The following RB1 variants were observed in gnomAD, a reference collection of about 807,000 sequenced individuals.
RB1 encodes the protein RB transcriptional corepressor 1.
In RB1, 18 loss-of-function variants were observed where a neutral mutation model predicts 135.4. The ratio of observed to expected loss-of-function variants is 0.13; its 90% CI spans 0.09 to 0.20. The LOEUF (loss-of-function observed/expected upper bound fraction) is 0.20. Ranked by LOEUF, RB1 falls within the 10% of genes least tolerant of loss-of-function variation. RB1 has a pLI of 1.00. For synonymous variants in RB1, 365 were observed against 373.2 expected (o/e 0.98, Z 0.25); for missense variants, 868 against 1,110.0 (o/e 0.78, Z 3.10).
In RB1 at chr13:48,363,045, G is replaced by A. The variant is rs1053196853; in HGVS notation, c.861+88G>A. ...ACAATATTTACTTCTTTTGTTATGA[G>A]CATGTTTTTTTTGTAATTAGTGCTA... On this transcript the variant is annotated intron_variant, in intron 8 of 26. Transcript: ENST00000267163. 4.0e-6 allele frequency: 6 copies of A among 1,510,764 alleles called. No individual in the cohort carries two copies. In the Admixed American group the frequency reaches 7.6e-5, roughly 19 times the overall value. The allele number at this position is 1,510,764 out of a possible 1,614,324, so 93.6% of individuals were successfully genotyped here.
intron 2 of RB1, among the ~76,000 whole-genome samples, chr13:48,326,653 A>G (rs961314733): frequency 3.9e-5 from 6 of 152,146 alleles, no homozygotes; most frequent in African/African-American, 1.2e-4. Context: ...CTAAACTTAA[A>G]TACTAGTTAA....
chr13:48,412,353 A>G (rs775892090), intron 17 of RB1: 1 of 1,613,846 alleles, frequency 6.2e-7, no homozygotes, highest in Non-Finnish European at 8.5e-7. Flanking sequence ...CACCATGCTG[A>G]ACATGCACCC....
chr13:48,456,300 G>C lies in RB1; in HGVS notation c.1911G>C (p.Gln637His), dbSNP rs1949359735. The C allele has an allele frequency of 6.2e-7, 1 of 1,614,072 alleles. No homozygotes were observed. The highest frequency in any genetic ancestry group is 1.3e-5 in the African/African-American group (1 of 74,916). ...AGACACAAGCAACCTCAGCCTTCCA[G>C]ACCCAGAAGCCATTGAAATCTACCT... ...NAETQATSAF[Q>H]TQKPLKSTSL... is the part of the protein sequence containing the mutation. The change falls in exon 19 of 27, where the codon CAG becomes CAC. Residue 637 changes from glutamine to histidine, a missense_variant. Coordinates refer to ENST00000267163, the MANE Select transcript of RB1 (RefSeq NM_000321.3).
chr13:48,406,656 C>G (rs190671162), intron 17 of RB1: 1 of 152,366 alleles, frequency 6.6e-6, no homozygotes, highest in Admixed American at 6.5e-5. Context: ...TCTCCAGCCA[C>G]TTTGAATGTT....
chr13:48,309,093 C>T (rs546914174), intron 2 of RB1, among the ~76,000 whole-genome samples: 45 of 151,944 alleles, frequency 3.0e-4, no homozygotes, highest in African/African-American at 1.0e-3. Context: ...AAGAATAATG[C>T]CTGGCACAAA....
chr13:48,459,236 AGTG>A (rs2138335178), intron 19 of RB1, among the ~76,000 whole-genome samples: 1 of 152,370 alleles, frequency 6.6e-6, no homozygotes, highest in East Asian at 1.9e-4. Context: ...TAAGGAAAAT[AGTG>A]GTAGAAAAAT....
chr13:48,428,816 G>A (rs1017372269), intron 17 of RB1, among the ~76,000 whole-genome samples: 1 of 152,150 alleles, frequency 6.6e-6, no homozygotes, highest in Admixed American at 6.5e-5. Context: ...CAAATAATTA[G>A]AACAAGGGTT....
At chr13:48,359,295 A>T (rs1952617988) in intron 6 of RB1, among the ~76,000 whole-genome samples, 1 of 151,646 alleles carries the variant, frequency 6.6e-6, no homozygotes, top group Non-Finnish European at 1.5e-5. Flanking sequence ...ATGGTGAACA[A>T]TTATTTTATA....
chr13:48,391,444 G>C (rs138069608), intron 17 of RB1: 265 of 151,694 alleles, frequency 1.7e-3, no homozygotes, highest in African/African-American at 5.8e-3. Context: ...GATTCCTTTT[G>C]TTTTCCTTCT....
rs1948513969 is a variant in RB1 at position 48,379,609 on chromosome 13, G to T, written c.1348G>T (p.Val450Phe). 1 of 1,612,518 alleles carries T rather than the reference G, an allele frequency of 6.2e-7. No homozygotes were observed. The highest frequency in any genetic ancestry group is 8.5e-7 in the Non-Finnish European group (1 of 1,179,712). The change falls in exon 14 of 27, where the codon GTT (valine) becomes TTT (phenylalanine). Residue 450 changes from valine to phenylalanine, a missense_variant. Val to Phe is a conservative substitution (Grantham distance 50). Around this residue, in one of 3 missense-constraint regions of RB1, gnomAD observed 641 missense variants for 791.3 expected, o/e 0.81. Transcript: ENST00000267163. Reference protein sequence around the residue: ...EIGSQRYKLGVRLYYRVMESM... With the variant: ...EIGSQRYKLGFRLYYRVMESM... Reference sequence around the variant, plus strand: ...TTGTTTGTAGCGATACAAACTTGGAGTTCGCTTGTATTACCGAGTAATGGA... The same window carrying T: ...TTGTTTGTAGCGATACAAACTTGGATTTCGCTTGTATTACCGAGTAATGGA...
chr13:48,425,758 G>A (rs1439182882), intron 17 of RB1, among the ~76,000 whole-genome samples: 3 of 152,118 alleles, frequency 2.0e-5, no homozygotes, highest in African/African-American at 7.2e-5. Context: ...TGTAAAAGGA[G>A]AGTATTAAAT....
At chr13:48,320,762 T>C (rs1952227973) in intron 2 of RB1, among the ~76,000 whole-genome samples, 1 of 149,276 alleles carries the variant, frequency 6.7e-6, no homozygotes, top group Admixed American at 6.7e-5. Flanking sequence ...AGCCGGAAGG[T>C]GGAGGTTGCA....
At position 48,377,010 on chromosome 13, in the gene RB1, G is replaced by A. The variant is rs1191053171; in HGVS notation, c.1308G>A (p.Gln436=). ...AGAAATTTGCTAAAGCTGTGGGACA[G>A]GGTTGTGTCGAAATTGGATCACAGG... is the stretch of plus-strand genomic sequence containing the variant. ...FKEKFAKAVG[Q]GCVEIGSQRY... The change falls in exon 13 of 27, where the codon CAG becomes CAA. Residue 436 remains glutamine (Q), a synonymous_variant. Coordinates refer to ENST00000267163, the MANE Select transcript of RB1 (RefSeq NM_000321.3). The A allele has an allele frequency of 6.2e-7, 1 of 1,613,758 alleles. No individual in the cohort carries two copies.
chr13:48,328,404 A>T, intron 2 of RB1: 1 of 1,459,698 alleles, frequency 6.9e-7, no homozygotes, highest in Non-Finnish European at 9.6e-7. Context: ...GGCAAATCCA[A>T]AGTTGGAGAT....
At chr13:48,382,616 T>C (rs1029324846) in intron 17 of RB1, among the ~76,000 whole-genome samples, 3 of 152,236 alleles carry the variant, frequency 2.0e-5, no homozygotes, top group Non-Finnish European at 2.9e-5. Flanking sequence ...ATGGGTAGAT[T>C]GTAAAAGTTT....
intron 18 of RB1, among the ~76,000 whole-genome samples, chr13:48,453,546 C>T (rs1949341961): frequency 6.6e-6 from 1 of 151,902 alleles, no homozygotes; most frequent in Non-Finnish European, 1.5e-5. Flanking sequence ...TGTGGACTAA[C>T]ACACAGTTGA....
At chr13:48,326,302 TA>T (rs960916113) in intron 2 of RB1, among the ~76,000 whole-genome samples, 77 of 151,376 alleles carry the variant, frequency 5.1e-4, no homozygotes, top group African/African-American at 1.7e-3. Context: ...TCTCAATGAA[TA>T]AAAAAAAATA....
intron 17 of RB1, chr13:48,412,648 G>A: frequency 1.7e-6 from 1 of 574,286 alleles, no homozygotes; most frequent in Non-Finnish European, 3.2e-6. Flanking sequence ...ATTTTCATTT[G>A]TTAGTCTTTA....
intron 2 of RB1, chr13:48,318,155 C>T (rs528460089): frequency 1.6e-4 from 83 of 527,248 alleles, no homozygotes; most frequent in African/African-American, 1.5e-3. Context: ...CCTGCTTCGT[C>T]TTCTCTGCCA....
Sources: gnomAD v4.1 joint callset for allele counts (sites outside exome capture counted in the v4.1 genomes callset) on GRCh38, gnomAD v4.1.1 for gene constraint, gnomAD v4.1.1 regional missense constraint, MANE v1.5 for transcripts, NCBI Gene and HGNC (gene_info 2026-07-23, HGNC 2026-07-21) for gene names.